The following RAB27A variants were observed in gnomAD, a reference collection of about 807,000 sequenced individuals.
RAB27A encodes the protein ras-related protein Rab-27A.
A neutral mutation model predicts 20.8 loss-of-function variants in RAB27A; 17 were observed. The ratio of observed to expected loss-of-function variants is 0.82; its 90% CI spans 0.56 to 1.23. The LOEUF (loss-of-function observed/expected upper bound fraction) is 1.23, where lower values mean the gene tolerates loss of function less well. Ranked by LOEUF, RAB27A falls within the 50% of genes most tolerant of loss-of-function variation. The pLI, the probability that RAB27A is intolerant of heterozygous loss-of-function variation, is 0.00. For missense variants in RAB27A, 277 were observed against 266.7 expected, an observed-to-expected ratio of 1.04 and a Z score of -0.27; for synonymous variants, 85 against 92.8, an observed-to-expected ratio of 0.92 and a Z score of 0.48.
chr15:55,283,312 T>C (rs1898064625), intron 1 of RAB27A, among the ~76,000 whole-genome samples: 1 of 152,140 alleles, frequency 6.6e-6, no homozygotes, highest in African/African-American at 2.4e-5. Flanking sequence ...CCAACTGACA[T>C]ACACTGGTGT....
At chr15:55,235,274 C>T (rs1896208791) in intron 2 of RAB27A, among the ~76,000 whole-genome samples, 1 of 151,804 alleles carries the variant, frequency 6.6e-6, no homozygotes. Flanking sequence ...ATGGAGAAAC[C>T]CCATCTCTAC....
intron 6 of RAB27A, among the ~76,000 whole-genome samples, chr15:55,222,834 C>T (rs1248327372): frequency 6.6e-6 from 1 of 152,202 alleles, no homozygotes. Context: ...TTGCTTCCTT[C>T]CTCTTTTAAT....
At chr15:55,313,000 G>A (rs761045701) in intron 2 of RAB27A, among the ~76,000 whole-genome samples, 10 of 152,080 alleles carry the variant, frequency 6.6e-5, no homozygotes, top group Admixed American at 5.2e-4. Flanking sequence ...CTTGAGCCCC[G>A]GTCCCAGAAT....
At chr15:55,308,000 A>G (rs936272150) in intron 2 of RAB27A, among the ~76,000 whole-genome samples, 2 of 152,104 alleles carry the variant, frequency 1.3e-5, no homozygotes. Flanking sequence ...GTGGCTAGCC[A>G]TCCTGAGGGG....
At chr15:55,263,580 CTAGATT>C (rs1897351899) in intron 2 of RAB27A, among the ~76,000 whole-genome samples, 1 of 152,170 alleles carries the variant, frequency 6.6e-6, no homozygotes, top group South Asian at 2.1e-4. Context: ...AAGTAGGGCA[CTAGATT>C]ATAAAAATGC....
intron 6 of RAB27A, among the ~76,000 whole-genome samples, chr15:55,208,193 G>A (rs941924482): frequency 1.3e-5 from 2 of 152,026 alleles, no homozygotes; most frequent in East Asian, 1.9e-4. Flanking sequence ...GTATCAACAT[G>A]GCAAAAATTA....
intron 2 of RAB27A, among the ~76,000 whole-genome samples, chr15:55,308,049 T>G (rs111226381): frequency 6.6e-6 from 1 of 152,316 alleles, no homozygotes; most frequent in Non-Finnish European, 1.5e-5. Context: ...ATTCTATTTC[T>G]TCTTCTGAGT....
At chr15:55,216,887 G>A (rs898940096) in intron 6 of RAB27A, among the ~76,000 whole-genome samples, 1 of 152,144 alleles carries the variant, frequency 6.6e-6, no homozygotes, top group Non-Finnish European at 1.5e-5. Context: ...GAAGACAATG[G>A]ATCTTACTCT....
chr15:55,255,068 C>A (rs1897029868), intron 2 of RAB27A, among the ~76,000 whole-genome samples: 1 of 152,194 alleles, frequency 6.6e-6, no homozygotes, highest in South Asian at 2.1e-4. Context: ...ATTTGTCTTT[C>A]CTTCACTTCT....
intron 2 of RAB27A, among the ~76,000 whole-genome samples, chr15:55,312,590 T>C (rs1243342018): frequency 6.6e-6 from 1 of 152,190 alleles, no homozygotes; most frequent in African/African-American, 2.4e-5. Context: ...GCAGTCATCC[T>C]AGTGAACATG....
At chr15:55,285,732 G>A (rs1485488234) in intron 1 of RAB27A, among the ~76,000 whole-genome samples, 1 of 152,106 alleles carries the variant, frequency 6.6e-6, no homozygotes, top group Non-Finnish European at 1.5e-5. Context: ...CCCTTCTCAG[G>A]GGCCTGGCCA....
intron 2 of RAB27A, among the ~76,000 whole-genome samples, chr15:55,241,615 T>TATATATAC: frequency 7.5e-6 from 1 of 133,176 alleles, no homozygotes; most frequent in African/African-American, 3.6e-5. Flanking sequence ...TATATATATA[T>TATATATAC]ATATATATAT....
chr15:55,216,339 C>G (rs1282137034), intron 6 of RAB27A, among the ~76,000 whole-genome samples: 2 of 152,084 alleles, frequency 1.3e-5, no homozygotes, highest in Admixed American at 1.3e-4. Flanking sequence ...TCAAGATCAG[C>G]CTGGCCAACA....
chr15:55,293,825 G>A (rs991534147), upstream of RAB27A, among the ~76,000 whole-genome samples: 2 of 152,128 alleles, frequency 1.3e-5, no homozygotes, highest in Non-Finnish European at 2.9e-5. Flanking sequence ...GTTGAAGCGG[G>A]AGAATTGCTT....
chr15:55,311,937 G>A (rs1159575487), intron 2 of RAB27A, among the ~76,000 whole-genome samples: 1 of 152,144 alleles, frequency 6.6e-6, no homozygotes, highest in East Asian at 1.9e-4. Context: ...CCAAGACGGT[G>A]GCAAGCCTCG....
chr15:55,264,055 T>C (rs28521796), intron 2 of RAB27A, among the ~76,000 whole-genome samples: 1 of 152,216 alleles, frequency 6.6e-6, no homozygotes, highest in Non-Finnish European at 1.5e-5. Context: ...TGTTTGTTTT[T>C]GTTTTTTGAG....
chr15:55,232,135 A>G lies in RAB27A; in HGVS notation c.154-1649T>C, dbSNP rs148497427. Among the ~76,000 whole-genome samples the G allele has an allele frequency of 2.6e-3, 403 of 152,294 alleles. 3 individuals are homozygous for G. Among genetic ancestry groups the G allele is most frequent in the African/African-American group, 9.1e-3 (379 of 41,564 alleles). On this transcript the variant is annotated intron_variant, in intron 3 of 6. Coordinates refer to ENST00000336787, the MANE Select transcript of RAB27A (RefSeq NM_183235.3). ...AACTGCCTGCAGTAGTATTAAACAC[A>G]TACCCCAACAAACACACAGAGACTC... is the stretch of plus-strand genomic sequence containing the variant.
chr15:55,218,292 G>A (rs1895409042), intron 6 of RAB27A, among the ~76,000 whole-genome samples: 1 of 152,210 alleles, frequency 6.6e-6, no homozygotes, highest in Non-Finnish European at 1.5e-5. Flanking sequence ...CTGGGATATT[G>A]CAGCAAATGA....
At chr15:55,246,561 GTACT>G (rs954530673) in intron 2 of RAB27A, among the ~76,000 whole-genome samples, 2 of 151,230 alleles carry the variant, frequency 1.3e-5, no homozygotes, top group African/African-American at 4.9e-5. Context: ...GGGTCTTATA[GTACT>G]TATAGTTTGT....
Sources: allele counts gnomAD v4.1 joint callset (sites outside exome capture counted in the v4.1 genomes callset), GRCh38; gene constraint gnomAD v4.1.1; transcripts MANE v1.5; gene names NCBI Gene and HGNC (gene_info 2026-07-23, HGNC 2026-07-21).